UBE3D: variants seen among roughly 807,000 people sequenced by gnomAD.
The protein encoded by UBE3D is E3 ubiquitin-protein ligase E3D.
In UBE3D, 48 loss-of-function variants were observed where a neutral mutation model predicts 49.6. That is an observed-to-expected ratio of 0.97 (90% CI 0.77 to 1.23). UBE3D has a LOEUF of 1.23. UBE3D is among the 50% of genes most tolerant of loss of function. UBE3D has a pLI of 0.00. For synonymous variants in UBE3D, 189 were observed against 174.2 expected (o/e 1.08, Z -0.67); for missense variants, 452 against 468.4 (o/e 0.96, Z 0.32).
At chr6:82,887,355 C>A in the UBE3D span, among the ~76,000 whole-genome samples, 6 of 119,862 alleles carry the variant, frequency 5.0e-5, no homozygotes, top group Non-Finnish European at 7.0e-5. Context: ...AGAGAAAAAA[C>A]AAACAAACCC....
At chr6:82,897,692 A>G (rs1346911277) in intron 9 of UBE3D, among the ~76,000 whole-genome samples, 1 of 151,802 alleles carries the variant, frequency 6.6e-6, no homozygotes, top group Non-Finnish European at 1.5e-5. Flanking sequence ...ACAAAAATAA[A>G]ATTAAAAACT....
intron 8 of UBE3D, among the ~76,000 whole-genome samples, chr6:83,009,734 G>T (rs1780216572): frequency 7.1e-6 from 1 of 141,134 alleles, no homozygotes; most frequent in African/African-American, 2.6e-5. Context: ...AAATCCTAAA[G>T]GTTTTTGGAG....
chr6:82,974,362 C>CA (rs1303717865), intron 8 of UBE3D, among the ~76,000 whole-genome samples: 1 of 152,026 alleles, frequency 6.6e-6, no homozygotes, highest in Non-Finnish European at 1.5e-5. Context: ...CAGGACCCCC[C>CA]ACAACAACCT....
intron 8 of UBE3D, among the ~76,000 whole-genome samples, chr6:83,016,617 G>A (rs1780716032): frequency 6.6e-6 from 1 of 151,204 alleles, no homozygotes; most frequent in Non-Finnish European, 1.5e-5. Context: ...ATATATATAT[G>A]TAAATCTTTA....
At chr6:83,003,033 T>C (rs1417663720) in intron 8 of UBE3D, among the ~76,000 whole-genome samples, 1 of 152,208 alleles carries the variant, frequency 6.6e-6, no homozygotes, top group African/African-American at 2.4e-5. Flanking sequence ...AAAATCTTTG[T>C]TCTCCTGCTT....
chr6:83,048,013 C>T (rs1447462469), intron 3 of UBE3D, among the ~76,000 whole-genome samples: 3 of 122,188 alleles, frequency 2.5e-5, no homozygotes, highest in Non-Finnish European at 3.2e-5. Context: ...ACCCGGGAGG[C>T]GGAGCTTGCA....
At chr6:83,060,985 G>A (rs1380633413) in intron 1 of UBE3D, among the ~76,000 whole-genome samples, 2 of 152,138 alleles carry the variant, frequency 1.3e-5, no homozygotes, top group East Asian at 3.8e-4. Context: ...TGATTATGAA[G>A]AGAAAAAGAG....
intron 8 of UBE3D, among the ~76,000 whole-genome samples, chr6:83,015,531 C>G (rs939517679): frequency 6.6e-6 from 1 of 152,208 alleles, no homozygotes; most frequent in Non-Finnish European, 1.5e-5. Flanking sequence ...GTTCCTTCCA[C>G]CATTATCCCA....
chr6:82,940,013 T>A (rs1279691005), intron 9 of UBE3D, among the ~76,000 whole-genome samples: 1 of 152,114 alleles, frequency 6.6e-6, no homozygotes, highest in Non-Finnish European at 1.5e-5. Context: ...AACTCCTTGG[T>A]AGGGACAGAA....
intron 8 of UBE3D, among the ~76,000 whole-genome samples, chr6:82,980,032 G>A (rs1355403412): frequency 6.6e-6 from 1 of 152,022 alleles, no homozygotes; most frequent in African/African-American, 2.4e-5. Context: ...CTTTGCTATT[G>A]TGAGTAGTGC....
At chr6:83,063,555 T>C (rs2127864234) in intron 1 of UBE3D, among the ~76,000 whole-genome samples, 1 of 149,396 alleles carries the variant, frequency 6.7e-6, no homozygotes, top group South Asian at 2.1e-4. Flanking sequence ...ACAAGACAAA[T>C]AATCTGATTA....
intron 8 of UBE3D, among the ~76,000 whole-genome samples, chr6:82,977,076 T>C (rs1460555177): frequency 2.5e-5 from 3 of 118,452 alleles, no homozygotes; most frequent in Non-Finnish European, 4.8e-5. Context: ...ATTGTGCCAC[T>C]GCACTCCAGC....
chr6:82,953,478 A>T (rs561366860), intron 9 of UBE3D, among the ~76,000 whole-genome samples: 1 of 152,298 alleles, frequency 6.6e-6, no homozygotes, highest in Admixed American at 6.5e-5. Flanking sequence ...TGAGTCTAGC[A>T]CTGCCCCAGC....
At chr6:82,913,812 A>C (rs1204811896) in intron 9 of UBE3D, among the ~76,000 whole-genome samples, 2 of 152,238 alleles carry the variant, frequency 1.3e-5, no homozygotes, top group Non-Finnish European at 1.5e-5. Flanking sequence ...CTTTTTACAT[A>C]TAAGTATGTC....
Position 83,057,830 on chromosome 6 carries a change from G to A in UBE3D, c.270C>T (p.Gly90=). 3.1e-6 allele frequency: 5 copies of A among 1,613,950 alleles called. No individual in the cohort carries two copies. The highest frequency in any genetic ancestry group is 2.2e-5 in the East Asian group (1 of 44,868). ...HLRLQTQAKL[G]TKLISMFNQS... ...AGAAGTGCTAATATTACTCACTTGT[G>A]CCTAATTTTGCTTGCGTCTGCAGTC... Residue 90 remains glycine, a synonymous_variant, in exon 2 of 10, where the codon GGC becomes GGT. Transcript: ENST00000369747.
At chr6:82,902,299 C>T (rs1258949006) in intron 9 of UBE3D, among the ~76,000 whole-genome samples, 1 of 151,994 alleles carries the variant, frequency 6.6e-6, no homozygotes, top group African/African-American at 2.4e-5. Flanking sequence ...GGAATTTGTC[C>T]CAGAGAAATA....
chr6:83,035,905 G>A (rs1411995716), intron 5 of UBE3D: 2 of 151,958 alleles, frequency 1.3e-5, no homozygotes, highest in African/African-American at 4.8e-5. Flanking sequence ...ATACTTACTG[G>A]GTACTCACTA....
At chr6:82,938,281 G>A (rs1447474418) in intron 9 of UBE3D, 1 of 152,160 alleles carries the variant, frequency 6.6e-6, no homozygotes, top group Non-Finnish European at 1.5e-5. Context: ...CTAGAAGAGG[G>A]TCAGCAGTCC....
At chr6:83,021,726 G>A (rs758732359) in intron 7 of UBE3D, among the ~76,000 whole-genome samples, 7 of 151,862 alleles carry the variant, frequency 4.6e-5, no homozygotes, top group African/African-American at 7.3e-5. Context: ...AAAATTAGCC[G>A]GGCGTGGTGG....
Sources: allele counts gnomAD v4.1 joint callset (sites outside exome capture counted in the v4.1 genomes callset), GRCh38; gene constraint gnomAD v4.1.1; transcripts MANE v1.5; gene names NCBI Gene and HGNC (gene_info 2026-07-23, HGNC 2026-07-21).